The following MACROD2 variants were observed in gnomAD, a reference collection of about 807,000 sequenced individuals.
MACROD2 encodes mono-ADP ribosylhydrolase 2.
Under a neutral mutation model 70.4 loss-of-function variants are expected in MACROD2, and 36 were observed. That is an observed-to-expected ratio of 0.51 (90% CI 0.39 to 0.68). The LOEUF (loss-of-function observed/expected upper bound fraction) is 0.68. Ranked by LOEUF, MACROD2 falls within the 30% of genes least tolerant of loss-of-function variation. MACROD2 has a pLI of 0.00. For missense variants in MACROD2, 496 were observed against 538.4 expected (o/e 0.92, Z 0.78); for synonymous variants, 172 against 178.8 (o/e 0.96, Z 0.30).
intron 3 of MACROD2, among the ~76,000 whole-genome samples, chr20:14,380,511 T>G (rs1246582507): frequency 6.6e-6 from 1 of 152,128 alleles, no homozygotes; most frequent in Non-Finnish European, 1.5e-5. Context: ...AGATTTGCCC[T>G]TATGTTTTCT....
At chr20:15,549,691 T>C (rs1265139804) in intron 8 of MACROD2, among the ~76,000 whole-genome samples, 1 of 152,166 alleles carries the variant, frequency 6.6e-6, no homozygotes, top group African/African-American at 2.4e-5. Context: ...ACTTTTCTTG[T>C]CTGCCCCAGT....
chr20:14,888,314 G>A (rs1286155556), intron 5 of MACROD2: 1 of 152,254 alleles, frequency 6.6e-6, no homozygotes, highest in African/African-American at 2.4e-5. Flanking sequence ...GCTGCTGAGA[G>A]ACAGGAAATG....
intron 3 of MACROD2, among the ~76,000 whole-genome samples, chr20:14,177,664 C>A (rs776249044): frequency 1.3e-5 from 2 of 152,000 alleles, no homozygotes; most frequent in African/African-American, 4.8e-5. Context: ...CTTGTATCGA[C>A]CAATGACCAG....
chr20:14,076,288 A>G (rs2053915484), intron 2 of MACROD2, among the ~76,000 whole-genome samples: 1 of 152,184 alleles, frequency 6.6e-6, no homozygotes, highest in South Asian at 2.1e-4. Context: ...TTAGAGATTA[A>G]TGAACTCTTA....
At chr20:15,241,923 T>C (rs576625891) in intron 6 of MACROD2, among the ~76,000 whole-genome samples, 23 of 152,302 alleles carry the variant, frequency 1.5e-4, no homozygotes, top group Admixed American at 1.4e-3. Context: ...ATAGAACCAA[T>C]TCTCCATTAG....
At chr20:14,165,015 G>C (rs2055247055) in intron 3 of MACROD2, among the ~76,000 whole-genome samples, 1 of 152,138 alleles carries the variant, frequency 6.6e-6, no homozygotes. Flanking sequence ...TCCTGCATTG[G>C]CCCTGGCAGA....
intron 3 of MACROD2, among the ~76,000 whole-genome samples, chr20:14,461,525 GT>G (rs1441531503): frequency 6.6e-6 from 1 of 150,960 alleles, no homozygotes; most frequent in African/African-American, 2.4e-5. Context: ...TATACTTTAA[GT>G]TTTAGGATAC....
intron 3 of MACROD2, among the ~76,000 whole-genome samples, chr20:14,314,686 G>A (rs998430761): frequency 1.2e-4 from 18 of 152,048 alleles, no homozygotes; most frequent in Admixed American, 1.2e-3. Flanking sequence ...CTTGAACCTG[G>A]GAGGCGGAGG....
chr20:14,825,607 C>T (rs573404328), intron 5 of MACROD2, among the ~76,000 whole-genome samples: 113 of 152,182 alleles, frequency 7.4e-4, no homozygotes, highest in Non-Finnish European at 1.1e-3. Context: ...CGCTGTTTGG[C>T]AGATTAGAAT....
intron 3 of MACROD2, among the ~76,000 whole-genome samples, chr20:14,200,000 A>G (rs1268709078): frequency 1.3e-5 from 2 of 152,196 alleles, no homozygotes; most frequent in Admixed American, 6.5e-5. Context: ...AACCAATGTC[A>G]TGATTAGTAA....
intron 6 of MACROD2, among the ~76,000 whole-genome samples, chr20:15,265,590 A>T (rs2077287219): frequency 6.6e-6 from 1 of 152,226 alleles, no homozygotes; most frequent in Admixed American, 6.5e-5. Flanking sequence ...AGCAGATCTA[A>T]AGAGGGACAA....
At chr20:16,046,705 G>A (rs1261817324) in intron 17 of MACROD2, among the ~76,000 whole-genome samples, 1 of 110,924 alleles carries the variant, frequency 9.0e-6, no homozygotes, top group Non-Finnish European at 1.7e-5. Context: ...TTTTGAGACA[G>A]AGTCTCACTC....
chr20:14,776,864 G>C (rs1264807780), intron 5 of MACROD2, among the ~76,000 whole-genome samples: 1 of 151,968 alleles, frequency 6.6e-6, no homozygotes. Context: ...TGGGCTAATA[G>C]ATAAGTTTTG....
intron 5 of MACROD2, among the ~76,000 whole-genome samples, chr20:14,793,256 A>G (rs1313095833): frequency 5.3e-5 from 8 of 151,984 alleles, no homozygotes. Flanking sequence ...TTAAACATAT[A>G]TAGTATTCAA....
rs569450969 is a variant in MACROD2 at position 14,975,852 on chromosome 20, C to T, written c.419-254088C>T. On this transcript the variant is annotated intron_variant, in intron 5 of 17. Coordinates refer to ENST00000684519, the MANE Select transcript of MACROD2 (RefSeq NM_001351661.2). Reference sequence around the variant, plus strand: ...CATTCCAGTGAGCAAAAGAAGGATGCGTGCAAACCCTTAGAAATAAGGAGG... The same window carrying T: ...CATTCCAGTGAGCAAAAGAAGGATGTGTGCAAACCCTTAGAAATAAGGAGG... 3.9e-5 allele frequency among the ~76,000 whole-genome samples: 6 copies of T among 152,166 alleles called. No individual in the cohort carries two copies. In the East Asian group the frequency reaches 1.2e-3, roughly 29 times the overall value.
At chr20:15,722,253 C>T (rs913341302) in intron 8 of MACROD2, among the ~76,000 whole-genome samples, 1 of 152,108 alleles carries the variant, frequency 6.6e-6, no homozygotes, top group East Asian at 1.9e-4. Flanking sequence ...AATGTAGATG[C>T]TTATGAGTAG....
At chr20:14,942,832 G>A (rs1293909687) in intron 5 of MACROD2, among the ~76,000 whole-genome samples, 1 of 152,164 alleles carries the variant, frequency 6.6e-6, no homozygotes, top group Non-Finnish European at 1.5e-5. Context: ...GAATACTCAA[G>A]TGCCTTGCTT....
intron 3 of MACROD2, among the ~76,000 whole-genome samples, chr20:14,119,154 CTG>C (rs1569166582): frequency 1.7e-5 from 2 of 116,622 alleles, no homozygotes; most frequent in East Asian, 5.6e-4. Flanking sequence ...GGCCAAATGA[CTG>C]TGATTTTTTT....
intron 4 of MACROD2, among the ~76,000 whole-genome samples, chr20:14,524,343 A>G (rs1483483204): frequency 1.3e-5 from 2 of 152,208 alleles, no homozygotes; most frequent in African/African-American, 4.8e-5. Context: ...TATGTGGTCT[A>G]ATTCACCCAT....
Sources: gnomAD v4.1 joint callset for allele counts (sites outside exome capture counted in the v4.1 genomes callset) on GRCh38, gnomAD v4.1.1 for gene constraint, MANE v1.5 for transcripts, NCBI Gene and HGNC (gene_info 2026-07-23, HGNC 2026-07-21) for gene names.